The following ANO3 variants were observed in gnomAD, a reference collection of about 807,000 sequenced individuals.
ANO3 encodes anoctamin 3, also known as anoctamin-3.
Under a neutral mutation model 144.8 loss-of-function variants are expected in ANO3, and 99 were observed. That is an observed-to-expected ratio of 0.68 (90% CI 0.58 to 0.81). ANO3 has a LOEUF of 0.81. ANO3 is among the 30% of genes least tolerant of loss of function. The pLI, the probability that ANO3 is intolerant of heterozygous loss-of-function variation, is 0.00. For missense variants in ANO3, 905 were observed against 1,202.2 expected (o/e 0.75, Z 3.66); for synonymous variants, 414 against 392.6 (o/e 1.05, Z -0.64).
At chr11:26,307,254 T>TGAGGCAGGAGAATCGCTTC (rs1174034033), upstream of ANO3, among the ~76,000 whole-genome samples, 2 of 152,174 alleles carry the variant, frequency 1.3e-5, no homozygotes, top group Non-Finnish European at 2.9e-5. Flanking sequence ...CTTGGGAAGA[T>TGAGGCAGGAGAATCGCTTC]GAGGCAGGAG....
intron 21 of ANO3, among the ~76,000 whole-genome samples, chr11:26,641,323 G>A (rs1853143951): frequency 6.6e-6 from 1 of 152,154 alleles, no homozygotes; most frequent in Admixed American, 6.5e-5. Flanking sequence ...GAAGTGACTT[G>A]CTAAAAATCA....
At chr11:26,278,189 T>A (rs1387154297) in intron 1 of ANO3, among the ~76,000 whole-genome samples, 2 of 152,148 alleles carry the variant, frequency 1.3e-5, no homozygotes, top group Non-Finnish European at 2.9e-5. Flanking sequence ...TAGATCTGGC[T>A]AATCAGAGCA....
chr11:26,495,074 C>T (rs1364926168), intron 4 of ANO3, among the ~76,000 whole-genome samples: 3 of 143,396 alleles, frequency 2.1e-5, no homozygotes, highest in African/African-American at 5.2e-5. Context: ...TAAATATCTA[C>T]ATTTATTTAT....
At chr11:26,388,719 G>T (rs1856798514) in intron 1 of ANO3, among the ~76,000 whole-genome samples, 1 of 152,080 alleles carries the variant, frequency 6.6e-6, no homozygotes, top group Non-Finnish European at 1.5e-5. Flanking sequence ...TATATTCACT[G>T]GTCACAGAGC....
intron 1 of ANO3, among the ~76,000 whole-genome samples, chr11:26,342,617 C>T (rs1855393440): frequency 6.6e-6 from 1 of 152,152 alleles, no homozygotes; most frequent in South Asian, 2.1e-4. Context: ...TTATACACTA[C>T]CCAATTTGTG....
At chr11:26,550,064 T>G (rs1326561749) in intron 12 of ANO3, among the ~76,000 whole-genome samples, 1 of 151,572 alleles carries the variant, frequency 6.6e-6, no homozygotes, top group Admixed American at 6.6e-5. Flanking sequence ...AAATTGATCC[T>G]TTAAAAAAAA....
chr11:26,452,574 A>G (rs1010041488), intron 3 of ANO3, among the ~76,000 whole-genome samples: 1 of 152,246 alleles, frequency 6.6e-6, no homozygotes, highest in Admixed American at 6.5e-5. Flanking sequence ...GAAATATGGG[A>G]CTATGTGAAA....
chr11:26,411,244 G>A (rs531877841), intron 1 of ANO3, among the ~76,000 whole-genome samples: 44 of 152,092 alleles, frequency 2.9e-4, no homozygotes, highest in African/African-American at 1.0e-3. Context: ...GCTCTTGACT[G>A]TATGTAGTTT....
chr11:26,353,690 C>G (rs1855705092), intron 1 of ANO3, among the ~76,000 whole-genome samples: 1 of 152,056 alleles, frequency 6.6e-6, no homozygotes, highest in Non-Finnish European at 1.5e-5. Context: ...TGCCTCAGCC[C>G]CCCGAGTAGC....
intron 1 of ANO3, among the ~76,000 whole-genome samples, chr11:26,428,450 A>G (rs994721847): frequency 2.0e-5 from 3 of 152,222 alleles, no homozygotes; most frequent in African/African-American, 7.2e-5. Context: ...TTTGCATCAG[A>G]TTTCTCAATA....
intron 1 of ANO3, among the ~76,000 whole-genome samples, chr11:26,423,732 A>G (rs1229191959): frequency 6.6e-6 from 1 of 151,998 alleles, no homozygotes; most frequent in African/African-American, 2.4e-5. Flanking sequence ...TGGTTTCTAT[A>G]TTCAGAGCTT....
intron 11 of ANO3, among the ~76,000 whole-genome samples, chr11:26,543,019 A>T (rs77300423): frequency 0.053 from 7,999 of 152,174 alleles, 537 homozygotes; most frequent in African/African-American, 0.16. Flanking sequence ...ATACAGAAGC[A>T]TAAGCCAGGG....
intron 17 of ANO3, among the ~76,000 whole-genome samples, chr11:26,602,763 C>T (rs889154315): frequency 5.4e-5 from 8 of 147,742 alleles, no homozygotes; most frequent in African/African-American, 2.0e-4. Flanking sequence ...AAAAAAAAGA[C>T]ATTACTGTGT....
Position 26,634,309 on chromosome 11 carries a change from T to A in ANO3, c.1979T>A (p.Leu660Ter). 1 of 1,607,694 alleles carries A rather than the reference T, an allele frequency of 6.2e-7. No homozygotes were observed. The highest frequency in any genetic ancestry group is 8.5e-7 in the Non-Finnish European group (1 of 1,174,344). Residue 660 changes from leucine to a stop codon, truncating the protein, a stop_gained, in exon 19 of 27, where the codon TTG becomes TAG. Transcript: ENST00000256737. LOFTEE classifies it high-confidence loss of function. ...TCCATCTTCTATATCGCTTTCTTTT[T>A]GGGAAGGTAAGTCAACTTTTTGTAC... ...NSSIFYIAFF[L>*]GRFVGHPGKY...
intron 14 of ANO3, 56 bp downstream of exon 14, chr11:26,559,835 TACACACACACACACACAC>T (rs71047866): frequency 4.2e-5 from 28 of 661,844 alleles, no homozygotes; most frequent in African/African-American, 9.2e-5. Context: ...GTTTCTGTGT[TACACACACACACACACAC>T]ACACACACAC....
intron 9 of ANO3, 98 bp from the exon 10 acceptor site, chr11:26,537,308 T>C: frequency 9.8e-7 from 1 of 1,022,624 alleles, no homozygotes; most frequent in Non-Finnish European, 1.5e-6. Context: ...TATCTTAAAC[T>C]TTTTAATCGA....
chr11:26,503,449 G>C (rs1861281043), intron 4 of ANO3, among the ~76,000 whole-genome samples: 1 of 152,038 alleles, frequency 6.6e-6, no homozygotes, highest in Non-Finnish European at 1.5e-5. Flanking sequence ...ATTTGTGAAT[G>C]GCTGTCATAT....
At chr11:26,318,573 C>T (rs552859965) in intron 1 of ANO3, among the ~76,000 whole-genome samples, 8 of 152,218 alleles carry the variant, frequency 5.3e-5, no homozygotes, top group East Asian at 1.9e-4. Flanking sequence ...GAGAACAATT[C>T]GTGGTTCTAT....
chr11:26,226,527 C>T (rs1852260506), intron 1 of ANO3, among the ~76,000 whole-genome samples: 1 of 151,816 alleles, frequency 6.6e-6, no homozygotes, highest in Non-Finnish European at 1.5e-5. Context: ...TTAGTTTATC[C>T]CTGGAGCCCG....
Sources: allele counts gnomAD v4.1 joint callset (sites outside exome capture counted in the v4.1 genomes callset), GRCh38; gene constraint gnomAD v4.1.1; transcripts MANE v1.5; gene names NCBI Gene and HGNC (gene_info 2026-07-23, HGNC 2026-07-21).